DPYSL2: variants seen among roughly 807,000 people sequenced by gnomAD.
The protein encoded by DPYSL2 is dihydropyrimidinase like 2.
A neutral mutation model predicts 69.9 loss-of-function variants in DPYSL2; 13 were observed. That is an observed-to-expected ratio of 0.19 (90% CI 0.12 to 0.30). The LOEUF is 0.30. DPYSL2 is among the 10% of genes least tolerant of loss of function. The pLI is 1.00. For missense variants in DPYSL2, 587 were observed against 918.9 expected, an observed-to-expected ratio of 0.64 and a Z score of 4.67; for synonymous variants, 326 against 359.1, an observed-to-expected ratio of 0.91 and a Z score of 1.04.
chr8:26,594,305 A>T (rs913567477), intron 3 of DPYSL2, among the ~76,000 whole-genome samples: 4 of 151,872 alleles, frequency 2.6e-5, no homozygotes, highest in South Asian at 4.2e-4. Context: ...TCTCTCTCTC[A>T]CACCTGTCTG....
chr8:26,646,066 A>G (rs1292375175), intron 10 of DPYSL2, among the ~76,000 whole-genome samples: 3 of 151,580 alleles, frequency 2.0e-5, no homozygotes, highest in Middle Eastern at 3.5e-3. Context: ...GGGTTTTGCC[A>G]TGTTGGCCAA....
intron 1 of DPYSL2, chr8:26,578,327 C>T (rs369016294): frequency 4.3e-6 from 7 of 1,613,894 alleles, no homozygotes; most frequent in Non-Finnish European, 5.9e-6. Flanking sequence ...TGCGGTCGGC[C>T]AGCCACCTTT....
At chr8:26,575,027 G>A (rs974800221) in intron 1 of DPYSL2, among the ~76,000 whole-genome samples, 2 of 152,182 alleles carry the variant, frequency 1.3e-5, no homozygotes, top group Admixed American at 6.5e-5. Context: ...TCCGCCTCCC[G>A]GATTCAAGTG....
At chr8:26,551,479 C>A (rs4872452) in intron 1 of DPYSL2, among the ~76,000 whole-genome samples, 3 of 152,158 alleles carry the variant, frequency 2.0e-5, no homozygotes, top group Non-Finnish European at 4.4e-5. Flanking sequence ...ACAAATCTGC[C>A]AGTATAGTTA....
At chr8:26,541,201 T>C (rs1800680256) in intron 1 of DPYSL2, among the ~76,000 whole-genome samples, 1 of 152,222 alleles carries the variant, frequency 6.6e-6, no homozygotes, top group Admixed American at 6.5e-5. Flanking sequence ...AGAATATTAG[T>C]GGATTTCTTG....
rs1801932305 is a variant in DPYSL2, at chr8:26,598,988, C to T, written c.628+15005C>T. Among the ~76,000 whole-genome samples, 1 of 152,216 alleles carries T rather than the reference C, an allele frequency of 6.6e-6. No homozygotes were observed. Among genetic ancestry groups the T allele is most frequent in the Non-Finnish European group, 1.5e-5 (1 of 68,040 alleles). ...GGGAGTGCCCTTCTTGTGAAGGAAGCTCGTTCTCTACCGAAAAGCTCACTT... is the reference window on the plus strand; with the variant it reads ...GGGAGTGCCCTTCTTGTGAAGGAAGTTCGTTCTCTACCGAAAAGCTCACTT... On this transcript the variant is annotated intron_variant, in intron 3 of 13. Coordinates refer to ENST00000521913, the MANE Select transcript of DPYSL2 (RefSeq NM_001197293.3). This position sits in a 1 kb window ranked among gnomAD's most constrained non-coding sequence, Gnocchi z 4.2.
In DPYSL2 at chr8:26,624,892, G is replaced by A. The variant is rs994847840; in HGVS notation, c.793+585G>A. Among the ~76,000 whole-genome samples, 1 of 152,156 alleles carries A rather than the reference G, an allele frequency of 6.6e-6. No individual in the cohort carries two copies. Among genetic ancestry groups the A allele is most frequent in the Non-Finnish European group, 1.5e-5 (1 of 68,042 alleles). The stretch of plus-strand genomic sequence containing the variant: ...CTTTACCACCTCAAGGTGCCTCTGG[G>A]ACTCTTGTCAACAAGAACCTCGGGG... On this transcript the variant is annotated intron_variant, in intron 4 of 13. Coordinates refer to ENST00000521913, the MANE Select transcript of DPYSL2 (RefSeq NM_001197293.3). The surrounding 1 kb of genome is among the most constrained non-coding windows in gnomAD (Gnocchi z 4.7).
rs1342345306 is a variant in DPYSL2 at position 26,643,030 on chromosome 8, T to A, written c.1127-409T>A. 6.0e-6 allele frequency: 1 copy of A among 166,632 alleles called. No individual in the cohort carries two copies. Among genetic ancestry groups the A allele is most frequent in the Non-Finnish European group, 1.3e-5 (1 of 77,230 alleles). The allele number at this position is 166,632 out of a possible 1,614,324, so 10.3% of individuals were successfully genotyped here. On this transcript the variant is annotated intron_variant, in intron 8 of 13. Transcript: ENST00000521913. The surrounding 1 kb of genome is among the most constrained non-coding windows in gnomAD (Gnocchi z 6.5). ...GGCTAGGAATTGTGAAAAGATTGTG[T>A]GAATGAACAGGAAGGTTAAATTTGA...
rs1384913587 is a variant in DPYSL2, at chr8:26,642,075, G to C, written c.1127-1364G>C. 6.6e-6 allele frequency among the ~76,000 whole-genome samples: 1 copy of C among 152,192 alleles called. No individual in the cohort carries two copies. The highest frequency in any genetic ancestry group is 1.5e-5 in the Non-Finnish European group (1 of 68,032). On this transcript the variant is annotated intron_variant, in intron 8 of 13. Transcript: ENST00000521913. This position sits in a 1 kb window ranked among gnomAD's most constrained non-coding sequence, Gnocchi z 5.3. ...GTGGGGTGGGAGTTAGCCCTGTGCT[G>C]GGGGGAGCTAGTGAGAGATGAATTC...
chr8:26,514,270 T>C lies in DPYSL2; in HGVS notation c.-56T>C. The C allele has an allele frequency of 2.2e-6, 3 of 1,389,286 alleles. No individual in the cohort carries two copies. Among genetic ancestry groups the C allele is most frequent in the Non-Finnish European group, 2.8e-6 (3 of 1,064,782 alleles). The allele number at this position is 1,389,286 out of a possible 1,614,324, so 86.1% of individuals were successfully genotyped here. A position where few individuals can be genotyped will look rare whatever the true frequency, so the allele number is the denominator to read the frequency against. ...GCTTGTGCACACAGCGAGGGAGACT[T>C]AGGGACTGGCAGACGGACGGACGGA... On this transcript the variant is annotated 5_prime_UTR_variant, in exon 1 of 14. Coordinates refer to ENST00000521913, the MANE Select transcript of DPYSL2 (RefSeq NM_001197293.3). The surrounding 1 kb of genome is among the most constrained non-coding windows in gnomAD (Gnocchi z 8.4).
chr8:26,545,577 C>T (rs1433788659), intron 1 of DPYSL2, among the ~76,000 whole-genome samples: 1 of 152,078 alleles, frequency 6.6e-6, no homozygotes, highest in Non-Finnish European at 1.5e-5. Context: ...ATCATCCTGG[C>T]CAACATGGTG....
intron 1 of DPYSL2, among the ~76,000 whole-genome samples, chr8:26,549,827 T>G (rs1222930276): frequency 1.3e-5 from 2 of 152,138 alleles, no homozygotes; most frequent in Non-Finnish European, 2.9e-5. Flanking sequence ...GATTGTCCTT[T>G]AAAACTGAAT....
intron 1 of DPYSL2, among the ~76,000 whole-genome samples, chr8:26,542,229 A>C (rs1482652532): frequency 6.6e-6 from 1 of 152,192 alleles, no homozygotes; most frequent in East Asian, 1.9e-4. Flanking sequence ...TTGAGGCTGC[A>C]GTGAGCCAAG....
Position 26,627,955 on chromosome 8 carries a change from A to G in DPYSL2, c.1005+15A>G, listed in dbSNP as rs918608590. 1.9e-6 allele frequency: 3 copies of G among 1,612,554 alleles called. No individual in the cohort carries two copies. In the Admixed American group the frequency reaches 5.0e-5, roughly 27 times the overall value. ...GACCTGAGGAGGTGAATGTTCACCAAGCGGAATGCGTGAATCAGTGTCCCT... is the reference window on the plus strand; with the variant it reads ...GACCTGAGGAGGTGAATGTTCACCAGGCGGAATGCGTGAATCAGTGTCCCT... On this transcript the variant is annotated intron_variant, in intron 7 of 13. Coordinates refer to ENST00000521913, the MANE Select transcript of DPYSL2 (RefSeq NM_001197293.3). The surrounding 1 kb of genome is among the most constrained non-coding windows in gnomAD (Gnocchi z 6.9).
intron 1 of DPYSL2, among the ~76,000 whole-genome samples, chr8:26,559,101 C>G (rs1426525467): frequency 6.6e-6 from 1 of 152,082 alleles, no homozygotes; most frequent in Non-Finnish European, 1.5e-5. Context: ...CGCCACCACG[C>G]CTGGCTAATT....
chr8:26,536,532 G>C (rs1359205593), intron 1 of DPYSL2, among the ~76,000 whole-genome samples: 1 of 152,032 alleles, frequency 6.6e-6, no homozygotes, highest in African/African-American at 2.4e-5. Flanking sequence ...TTAGCCAGGG[G>C]TAGTGGCACA....
chr8:26,627,102 G>T lies in DPYSL2; in HGVS notation c.856-113G>T. 1 of 954,134 alleles carries T rather than the reference G, an allele frequency of 1.0e-6. No individual in the cohort carries two copies. The highest frequency in any genetic ancestry group is 1.4e-5 in the South Asian group (1 of 70,388). The allele number at this position is 954,134 out of a possible 1,614,324, so 59.1% of individuals were successfully genotyped here. ...CAAAAAAAGTCAGGCTAATAGAATCGCCTAGGTGTCCTGTTTCTCATCCCA... is the reference window on the plus strand; with the variant it reads ...CAAAAAAAGTCAGGCTAATAGAATCTCCTAGGTGTCCTGTTTCTCATCCCA... On this transcript the variant is annotated intron_variant, in intron 5 of 13. Transcript: ENST00000521913. The surrounding 1 kb of genome is among the most constrained non-coding windows in gnomAD (Gnocchi z 6.9).
intron 1 of DPYSL2, among the ~76,000 whole-genome samples, chr8:26,553,039 A>G (rs1800894270): frequency 6.6e-6 from 1 of 152,238 alleles, no homozygotes; most frequent in South Asian, 2.1e-4. Flanking sequence ...CTATGTCCAC[A>G]AATTTGATAA....
intron 8 of DPYSL2, chr8:26,637,825 C>T (rs1267063204): frequency 6.6e-6 from 1 of 152,234 alleles, no homozygotes; most frequent in Non-Finnish European, 1.5e-5. Context: ...CATGACTCAT[C>T]TCACAGGGTG....
Sources: allele counts gnomAD v4.1 joint callset (sites outside exome capture counted in the v4.1 genomes callset), GRCh38; gene constraint gnomAD v4.1.1; non-coding constraint Gnocchi (gnomAD v3.1); transcripts MANE v1.5; gene names NCBI Gene and HGNC (gene_info 2026-07-23, HGNC 2026-07-21).